Variants in PLPPR3 observed in about 807,000 individuals in gnomAD.
The protein encoded by PLPPR3 is phospholipid phosphatase-related protein type 3.
A neutral mutation model predicts 27.3 loss-of-function variants in PLPPR3; 14 were observed. The observed-to-expected ratio is 0.51, with a 90% CI of 0.34 to 0.80. PLPPR3 has a LOEUF of 0.80. Ranked by LOEUF, PLPPR3 falls within the 30% of genes least tolerant of loss-of-function variation. PLPPR3 has a pLI of 0.01. For missense variants in PLPPR3, 1,287 were observed against 1,056.9 expected, an observed-to-expected ratio of 1.22 and a Z score of -3.02; for synonymous variants, 671 against 508.0, an observed-to-expected ratio of 1.32 and a Z score of -4.32.
intron 5 of PLPPR3, 62 bp from the exon 6 acceptor site, chr19:814,811 T>G: frequency 6.4e-7 from 1 of 1,567,422 alleles, no homozygotes; most frequent in Non-Finnish European, 8.6e-7. Flanking sequence ...GTGGCCTCTC[T>G]GTGTCTCTGT....
chr19:822,869 C>A (rs2035169315), upstream of PLPPR3, among the ~76,000 whole-genome samples: 1 of 152,186 alleles, frequency 6.6e-6, no homozygotes, highest in Non-Finnish European at 1.5e-5. Context: ...GCCTGTAATC[C>A]CAGCACTTTG....
chr19:813,299 C>A lies in PLPPR3; in HGVS notation c.1428G>T (p.Pro476=). 1 of 1,458,478 alleles carries A rather than the reference C, an allele frequency of 6.9e-7. No homozygotes were observed. Among genetic ancestry groups the A allele is most frequent in the Admixed American group, 2.8e-5 (1 of 35,656 alleles). The allele number at this position is 1,458,478 out of a possible 1,614,324, so 90.3% of individuals were successfully genotyped here. A position where few individuals can be genotyped will look rare whatever the true frequency, so the allele number is the denominator to read the frequency against. ...PSLYPTVQAR[P]GLGPRVILPP... The stretch of plus-strand genomic sequence containing the variant: ...GGAGGATGACCCGAGGCCCCAGCCC[C>A]GGCCGCGCCTGCACGGTGGGGTAGA... Residue 476 remains proline (P), a synonymous_variant, in exon 8 of 8, where the codon CCG becomes CCT. Coordinates refer to ENST00000520876, the MANE Select transcript of PLPPR3 (RefSeq NM_001270366.2). This position sits in a 1 kb window ranked among gnomAD's most constrained non-coding sequence, Gnocchi z 4.1.
Position 815,822 on chromosome 19 carries a change from G to A in PLPPR3, c.105C>T (p.Ser35=). 1 of 1,612,714 alleles carries A rather than the reference G, an allele frequency of 6.2e-7. No individual in the cohort carries two copies. Among genetic ancestry groups the A allele is most frequent in the African/African-American group, 1.3e-5 (1 of 75,034 alleles). Residue 35 remains serine (S), a synonymous_variant, in exon 3 of 8, where the codon TCC becomes TCT. Coordinates refer to ENST00000520876, the MANE Select transcript of PLPPR3 (RefSeq NM_001270366.2). ...ELPIVASSIV[S]LYFLELTDLF... is the part of the protein sequence containing the mutation. ...GGTCGGTCAGCTCCAGGAAGTACAA[G>A]GATACGATGGAAGAAGCCACTATGG...
In PLPPR3 at chr19:813,788, C is replaced by G. The variant is rs2145063519; in HGVS notation, c.939G>C (p.Ser313=). The G allele has an allele frequency of 1.3e-6, 2 of 1,526,436 alleles. No homozygotes were observed. The highest frequency in any genetic ancestry group is 2.5e-5 in the East Asian group (1 of 40,144). 94.6% of individuals were successfully genotyped at this position (1,526,436 alleles called of 1,614,324 possible). ...LRALTQRGHD[S]VYQQNKSVST... is the part of the protein sequence containing the mutation. ...TCACCGACTTATTCTGCTGATAAAC[C>G]GAGTCGTGGCCCCGCTGCGTCAGGG... The change falls in exon 8 of 8, where the codon TCG becomes TCC. Residue 313 remains serine (S), a synonymous_variant. Transcript: ENST00000520876. The surrounding 1 kb of genome is among the most constrained non-coding windows in gnomAD (Gnocchi z 4.1).
rs763939242 is a variant in PLPPR3 at position 813,367 on chromosome 19, C to T, written c.1360G>A (p.Glu454Lys). 29 of 1,493,474 alleles carry T rather than the reference C, an allele frequency of 1.9e-5. No homozygotes were observed. Among genetic ancestry groups the T allele is most frequent in the Admixed American group, 2.3e-5 (1 of 43,146 alleles). The allele number at this position is 1,493,474 out of a possible 1,614,324, so 92.5% of individuals were successfully genotyped here. A position where few individuals can be genotyped will look rare whatever the true frequency, so the allele number is the denominator to read the frequency against. ...CCCTCGTCCTCCTCCTCTTCCTCCTCCTCCTCTTCCTCTTCGTCCTCCTCC... is the reference window on the plus strand; with the variant it reads ...CCCTCGTCCTCCTCCTCTTCCTCCTTCTCCTCTTCCTCTTCGTCCTCCTCC... ...EEEEDEEEEE[E>K]EEEEEDEGPA... The change falls in exon 8 of 8, where the codon GAG (glutamate) becomes AAG (lysine). Residue 454 changes from glutamate to lysine, a missense_variant. Glu to Lys is a moderately conservative substitution (Grantham distance 56). Coordinates refer to ENST00000520876, the MANE Select transcript of PLPPR3 (RefSeq NM_001270366.2). This position sits in a 1 kb window ranked among gnomAD's most constrained non-coding sequence, Gnocchi z 4.1.
In PLPPR3 at chr19:815,754, G is replaced by T. The variant is rs761998955; in HGVS notation, c.173C>A (p.Thr58Asn). Reference protein sequence around the residue: ...AKVGFQCYDRTLSMPYVETNE... With the variant: ...AKVGFQCYDRNLSMPYVETNE... ...GGTCTCCACGTAGGGCATGGAGAGA[G>T]TGCGGTCATAGCACTGGAAGCCCAC... is the stretch of plus-strand genomic sequence containing the variant. Residue 58 changes from threonine to asparagine, a missense_variant, in exon 3 of 8, where the codon ACT becomes AAT. By Grantham distance (65) the Thr-to-Asn change is moderately conservative (BLOSUM62 0). Coordinates refer to ENST00000520876, the MANE Select transcript of PLPPR3 (RefSeq NM_001270366.2). The T allele has an allele frequency of 3.1e-6, 5 of 1,612,748 alleles. No individual in the cohort carries two copies. The highest frequency in any genetic ancestry group is 4.2e-6 in the Non-Finnish European group (5 of 1,179,852).
intron 3 of PLPPR3, 122 bp downstream of exon 3, chr19:815,544 G>C: frequency 8.4e-7 from 1 of 1,189,532 alleles, no homozygotes; most frequent in Non-Finnish European, 1.2e-6. Context: ...CCACAGGCTG[G>C]CACAGGCCCC....
chr19:814,382 C>T (rs79510915), intron 7 of PLPPR3, 52 bp downstream of exon 7: 11 of 1,520,844 alleles, frequency 7.2e-6, no homozygotes, highest in African/African-American at 1.4e-5. Flanking sequence ...ATGCCTCCCC[C>T]CTCAGATCCC....
Position 814,713 on chromosome 19 carries a change from G to A in PLPPR3, c.636C>T (p.Ala212=), listed in dbSNP as rs1311989966. The change falls in exon 6 of 8, where the codon GCC becomes GCT. Residue 212 remains alanine (A), a synonymous_variant. Transcript: ENST00000520876. Reference sequence around the variant, plus strand: ...TCACCGACACATAGACCGCGGCGAAGGCTGACAGCGTGGCGTGCTGGGACG... The same window carrying A: ...TCACCGACACATAGACCGCGGCGAAAGCTGACAGCGTGGCGTGCTGGGACG... ...TFPSQHATLS[A]FAAVYVSMYF... is the part of the protein sequence containing the mutation. 1 of 1,590,946 alleles carries A rather than the reference G, an allele frequency of 6.3e-7. No individual in the cohort carries two copies. The highest frequency in any genetic ancestry group is 1.7e-5 in the Admixed American group (1 of 59,594).
At position 815,610 on chromosome 19, in the gene PLPPR3, T is replaced by G; in HGVS notation, c.261+56A>C. The stretch of plus-strand genomic sequence containing the variant: ...TGGATGTTCACCGAGGTGGCGGGGG[T>G]GGGCTCCCAGCCGTGGTGCCCACAG... On this transcript the variant is annotated intron_variant, in intron 3 of 7. Coordinates refer to ENST00000520876, the MANE Select transcript of PLPPR3 (RefSeq NM_001270366.2). 3 of 1,487,124 alleles carry G rather than the reference T, an allele frequency of 2.0e-6. No homozygotes were observed. In the South Asian group the frequency reaches 3.8e-5, roughly 19 times the overall value. 92.1% of individuals were successfully genotyped at this position (1,487,124 alleles called of 1,614,324 possible).
At chr19:819,705 G>T (rs1019178656) in intron 2 of PLPPR3, among the ~76,000 whole-genome samples, 1 of 152,144 alleles carries the variant, frequency 6.6e-6, no homozygotes, top group East Asian at 1.9e-4. Context: ...GTGAGGTAAC[G>T]GATTACAGGC....
At chr19:821,372 C>G in intron 2 of PLPPR3, 113 bp downstream of exon 2, 1 of 894,102 alleles carries the variant, frequency 1.1e-6, no homozygotes, top group Non-Finnish European at 1.6e-6. Context: ...CCTGCCCCGC[C>G]CCGAGGCCAC....
intron 7 of PLPPR3, 120 bp from the exon 8 acceptor site, chr19:814,015 G>T: frequency 1.0e-6 from 1 of 966,540 alleles, no homozygotes; most frequent in Non-Finnish European, 1.5e-6. Flanking sequence ...CTCTTGTCCA[G>T]TGGGACCGGT....
Position 814,721 on chromosome 19 carries a change from G to A in PLPPR3, c.628C>T (p.Leu210=). 2 of 1,586,812 alleles carry A rather than the reference G, an allele frequency of 1.3e-6. No homozygotes were observed. Among genetic ancestry groups the A allele is most frequent in the South Asian group, 2.2e-5 (2 of 89,682 alleles). ...RKTFPSQHAT[L]SAFAAVYVSM... Reference sequence around the variant, plus strand: ...ACATAGACCGCGGCGAAGGCTGACAGCGTGGCGTGCTGGGACGGGAAGGTC... The same window carrying A: ...ACATAGACCGCGGCGAAGGCTGACAACGTGGCGTGCTGGGACGGGAAGGTC... The change falls in exon 6 of 8, where the codon CTG becomes TTG. Residue 210 remains leucine (L), a synonymous_variant. Transcript: ENST00000520876.
chr19:812,546 C>G lies in PLPPR3; in HGVS notation c.*24G>C, dbSNP rs112111032. On this transcript the variant is annotated 3_prime_UTR_variant, in exon 8 of 8. Transcript: ENST00000520876. Reference sequence around the variant, plus strand: ...GCCGCCCGCGCCCTCGGCCCGCCCCCCGCCCGCCCCCGGCCCCGCCGCGCT... The same window carrying G: ...GCCGCCCGCGCCCTCGGCCCGCCCCGCGCCCGCCCCCGGCCCCGCCGCGCT... The G allele has an allele frequency of 3.1e-6, 3 of 974,032 alleles. No homozygotes were observed. Among genetic ancestry groups the G allele is most frequent in the Non-Finnish European group, 2.4e-6 (2 of 817,508 alleles). The allele number at this position is 974,032 out of a possible 1,614,324, so 60.3% of individuals were successfully genotyped here. A position where few individuals can be genotyped will look rare whatever the true frequency, so the allele number is the denominator to read the frequency against.
rs1330910467 is a variant in PLPPR3, at chr19:813,316, T to G, written c.1411A>C (p.Thr471Pro). 1 of 1,466,768 alleles carries G rather than the reference T, an allele frequency of 6.8e-7. No homozygotes were observed. Among genetic ancestry groups the G allele is most frequent in the Non-Finnish European group, 8.9e-7 (1 of 1,120,978 alleles). The allele number at this position is 1,466,768 out of a possible 1,614,324, so 90.9% of individuals were successfully genotyped here. A position where few individuals can be genotyped will look rare whatever the true frequency, so the allele number is the denominator to read the frequency against. Residue 471 changes from threonine (T) to proline (P), a missense_variant, in exon 8 of 8, where the codon ACC (threonine) becomes CCC (proline). By Grantham distance (38) the Thr-to-Pro change is conservative (BLOSUM62 -1). Transcript: ENST00000520876. This position sits in a 1 kb window ranked among gnomAD's most constrained non-coding sequence, Gnocchi z 4.1. ...EGPAPPSLYP[T>P]VQARPGLGPR... ...CCCAGCCCCGGCCGCGCCTGCACGGTGGGGTAGAGCGAGGGCGGGGCCGGG... is the reference window on the plus strand; with the variant it reads ...CCCAGCCCCGGCCGCGCCTGCACGGGGGGGTAGAGCGAGGGCGGGGCCGGG...
intron 7 of PLPPR3, among the ~76,000 whole-genome samples, 159 bp from the exon 8 acceptor site, chr19:814,054 A>G (rs2035004990): frequency 6.6e-6 from 1 of 152,016 alleles, no homozygotes; most frequent in African/African-American, 2.4e-5. Flanking sequence ...GACCCAGCAC[A>G]TCGGGCAGGT....
At chr19:820,342 C>T (rs1333452943) in intron 2 of PLPPR3, among the ~76,000 whole-genome samples, 1 of 151,912 alleles carries the variant, frequency 6.6e-6, no homozygotes, top group Non-Finnish European at 1.5e-5. Flanking sequence ...CAGCACACGC[C>T]CAACTAATAT....
In PLPPR3 at chr19:812,896, C is replaced by A; in HGVS notation, c.1831G>T (p.Ala611Ser). 1.6e-6 allele frequency: 2 copies of A among 1,271,770 alleles called. No individual in the cohort carries two copies. Among genetic ancestry groups the A allele is most frequent in the South Asian group, 1.7e-5 (1 of 58,906 alleles). The allele number at this position is 1,271,770 out of a possible 1,614,324, so 78.8% of individuals were successfully genotyped here. A position where few individuals can be genotyped will look rare whatever the true frequency, so the allele number is the denominator to read the frequency against. ...PWEWKAAGGG[A>S]KAEADGGYEL... ...TAGCCGCCGTCGGCCTCCGCCTTGG[C>A]CCCGCCGCCCGCCGCCTTCCACTCC... is the stretch of plus-strand genomic sequence containing the variant. Residue 611 changes from alanine (A) to serine (S), a missense_variant, in exon 8 of 8, where the codon GCC becomes TCC. Transcript: ENST00000520876.
Sources: allele counts gnomAD v4.1 joint callset (sites outside exome capture counted in the v4.1 genomes callset), GRCh38; gene constraint gnomAD v4.1.1; non-coding constraint Gnocchi (gnomAD v3.1); transcripts MANE v1.5; gene names NCBI Gene and HGNC (gene_info 2026-07-23, HGNC 2026-07-21).